The following ACOX1 variants were observed in gnomAD, a reference collection of about 807,000 sequenced individuals.
The protein encoded by ACOX1 is acyl-CoA oxidase 1, also known as peroxisomal acyl-coenzyme A oxidase 1.
ACOX1 carries 41 observed loss-of-function variants against 75.5 expected under a neutral mutation model. The observed-to-expected ratio is 0.54, with a 90% confidence interval of 0.42 to 0.70. ACOX1 has a LOEUF of 0.70. Ranked by LOEUF, ACOX1 falls within the 30% of genes least tolerant of loss-of-function variation. ACOX1 has a pLI of 0.00. For synonymous variants in ACOX1, 303 were observed against 298.8 expected, an observed-to-expected ratio of 1.01 and a Z score of -0.15; for missense variants, 630 against 837.5, an observed-to-expected ratio of 0.75 and a Z score of 3.06.
chr17:75,961,572 C>T (rs977111300), intron 2 of ACOX1, among the ~76,000 whole-genome samples: 15 of 150,754 alleles, frequency 9.9e-5, no homozygotes, highest in South Asian at 6.3e-4. Context: ...GAGTTCAAGA[C>T]CAGCCTGACC....
At chr17:75,973,309 G>A (rs1003193642) in intron 2 of ACOX1, 16 of 385,620 alleles carry the variant, frequency 4.1e-5, no homozygotes, top group African/African-American at 2.7e-4. Flanking sequence ...ACCCTCTGAA[G>A]AATTTCCAAC....
intron 4 of ACOX1, among the ~76,000 whole-genome samples, chr17:75,956,720 T>C (rs908902822): frequency 1.3e-5 from 2 of 150,992 alleles, no homozygotes; most frequent in Non-Finnish European, 3.0e-5. Flanking sequence ...TAAAACTATT[T>C]AAATTTTTTT....
At position 75,955,610 on chromosome 17, in the gene ACOX1, T is replaced by C. The variant is rs1242225615; in HGVS notation, c.730A>G (p.Asn244Asp). The C allele has an allele frequency of 6.2e-7, 1 of 1,614,092 alleles. No individual in the cohort carries two copies. The highest frequency in any genetic ancestry group is 1.3e-5 in the African/African-American group (1 of 74,932). ...ATGTTTTCTCTGGGAATACGATGGT[T>C]GTCCATTTTGAGGTAGCCATTGTCT... ...EIDNGYLKMD[N>D]HRIPRENMLM... is the part of the protein sequence containing the mutation. The change falls in exon 6 of 14, where the codon AAC (asparagine) becomes GAC (aspartate). Residue 244 changes from asparagine (N) to aspartate (D), a missense_variant. Physicochemically the swap from Asn to Asp is conservative, Grantham distance 23 (BLOSUM62 1). Coordinates refer to ENST00000293217, the MANE Select transcript of ACOX1 (RefSeq NM_004035.7).
intron 3 of ACOX1, among the ~76,000 whole-genome samples, chr17:75,959,196 C>A (rs1410251258): frequency 2.6e-5 from 4 of 152,144 alleles, no homozygotes; most frequent in Admixed American, 6.6e-5. Flanking sequence ...TAGAAGCTTC[C>A]AAGTTGAATA....
In ACOX1 at chr17:75,945,556, AC is replaced by A. The variant is rs2065712427; in HGVS notation, c.*1191del. On this transcript the variant is annotated 3_prime_UTR_variant, in exon 14 of 14. Transcript: ENST00000293217. ...GGCATATGGCGTAGATTAAAAAAAA[AC>A]AAAACAAAGTGACTTACATTGACTT... 6.5e-6 allele frequency: 1 copy of A among 153,542 alleles called. No individual in the cohort carries two copies. Among genetic ancestry groups the A allele is most frequent in the African/African-American group, 2.4e-5 (1 of 41,456 alleles). 9.5% of individuals were successfully genotyped at this position (153,542 alleles called of 1,614,324 possible).
chr17:75,956,062 T>G, intron 4 of ACOX1, 115 bp from the exon 5 acceptor site: 4 of 1,437,998 alleles, frequency 2.8e-6, no homozygotes, highest in Non-Finnish European at 3.9e-6. Flanking sequence ...CAATAGTATG[T>G]GTCCAGAAAG....
rs1306841327 is a variant in ACOX1, at chr17:75,973,146, G to A, written c.269+5388C>T. ...TAAAAAGACTGAAGTCAGATGAAGAGAATCATGGACTTTTTTCCAAACTGC... is the reference window on the plus strand; with the variant it reads ...TAAAAAGACTGAAGTCAGATGAAGAAAATCATGGACTTTTTTCCAAACTGC... On this transcript the variant is annotated intron_variant, in intron 2 of 13. Transcript: ENST00000293217. Among the ~76,000 whole-genome samples the A allele has an allele frequency of 2.6e-5, 4 of 152,198 alleles. 1 individual carries two copies. The highest frequency in any genetic ancestry group is 9.7e-5 in the African/African-American group (4 of 41,440).
chr17:75,970,396 G>C (rs1315287977), intron 2 of ACOX1, among the ~76,000 whole-genome samples: 1 of 152,120 alleles, frequency 6.6e-6, no homozygotes, highest in African/African-American at 2.4e-5. Flanking sequence ...TTTGATCCCA[G>C]AACTCCAGGG....
At chr17:75,965,113 G>A (rs976915502) in intron 2 of ACOX1, among the ~76,000 whole-genome samples, 3 of 152,030 alleles carry the variant, frequency 2.0e-5, no homozygotes, top group African/African-American at 4.8e-5. Flanking sequence ...CGAGGAGGGC[G>A]CATCACGAGG....
At chr17:75,977,496 G>A (rs1398980203) in intron 2 of ACOX1, among the ~76,000 whole-genome samples, 3 of 152,164 alleles carry the variant, frequency 2.0e-5, no homozygotes, top group Admixed American at 6.5e-5. Context: ...AATCCGGGAG[G>A]TGGAGGCTGG....
intron 4 of ACOX1, among the ~76,000 whole-genome samples, chr17:75,956,918 T>TCTCC (rs1724056962): frequency 2.5e-5 from 1 of 40,650 alleles, no homozygotes; most frequent in African/African-American, 1.1e-4. Flanking sequence ...TTCCTCTCTC[T>TCTCC]CTCTCTCTCT....
Position 75,960,918 on chromosome 17 carries a change from C to T in ACOX1, c.270-543G>A, listed in dbSNP as rs577060579. ...GCTTGAACCTAGGAGGCGGAGGTTG[C>T]AGTGAGCCGAGATCATGCCCACTGC... is the stretch of plus-strand genomic sequence containing the variant. On this transcript the variant is annotated intron_variant, in intron 2 of 13. Transcript: ENST00000293217. The surrounding 1 kb of genome is among the most constrained non-coding windows in gnomAD (Gnocchi z 4.4). 7.0e-4 allele frequency among the ~76,000 whole-genome samples: 106 copies of T among 152,192 alleles called. No individual in the cohort carries two copies. The highest frequency in any genetic ancestry group is 1.0e-3 in the Non-Finnish European group (70 of 68,034).
intron 2 of ACOX1, among the ~76,000 whole-genome samples, chr17:75,974,240 G>C (rs747998297): frequency 9.2e-5 from 14 of 151,884 alleles, no homozygotes; most frequent in Admixed American, 4.6e-4. Flanking sequence ...GTTAACAAGA[G>C]CTCCAAGGAA....
intron 2 of ACOX1, among the ~76,000 whole-genome samples, chr17:75,975,435 A>C (rs1177176182): frequency 6.6e-6 from 1 of 152,222 alleles, no homozygotes; most frequent in Non-Finnish European, 1.5e-5. Flanking sequence ...CTGGGATTAC[A>C]GGCGTGAGCC....
chr17:75,957,413 T>C (rs1422610080), intron 4 of ACOX1, 46 bp downstream of exon 4: 8 of 1,521,108 alleles, frequency 5.3e-6, no homozygotes, highest in Non-Finnish European at 7.3e-6. Context: ...CAAAATCTCA[T>C]GACAAACCTT....
chr17:75,953,528 A>G lies in ACOX1; in HGVS notation c.867T>C (p.Ala289=), dbSNP rs370001667. 1.0e-3 allele frequency: 1,613 copies of G among 1,614,210 alleles called. 23 individuals carry two copies. The South Asian group carries it at 0.016, about 16-fold the overall frequency. Reference sequence around the variant, plus strand: ...TGCACGCCTTAGACAGAGCCCGAGCAGCTTCTCCCACAAGGAAGGACCTGA... The same window carrying G: ...TGCACGCCTTAGACAGAGCCCGAGCGGCTTCTCCCACAAGGAAGGACCTGA... ...VFVRSFLVGE[A]ARALSKACTI... Residue 289 remains alanine (A), a synonymous_variant, in exon 7 of 14, where the codon GCT becomes GCC. Transcript: ENST00000293217.
At chr17:75,975,461 C>T (rs1030100903) in intron 2 of ACOX1, among the ~76,000 whole-genome samples, 1 of 152,222 alleles carries the variant, frequency 6.6e-6, no homozygotes, top group Non-Finnish European at 1.5e-5. Context: ...GCCCCAGTCC[C>T]ATTGTCTTTT....
chr17:75,972,779 C>T (rs548819270), intron 2 of ACOX1, among the ~76,000 whole-genome samples: 4 of 152,036 alleles, frequency 2.6e-5, no homozygotes, highest in Non-Finnish European at 5.9e-5. Flanking sequence ...AAACCATGAC[C>T]AGAAAGCTGC....
chr17:75,961,395 G>A (rs2065886522), intron 2 of ACOX1, among the ~76,000 whole-genome samples: 2 of 148,642 alleles, frequency 1.3e-5, no homozygotes, highest in South Asian at 2.1e-4. Context: ...TGACGCAGGC[G>A]GATCACTTGA....
Sources: allele counts gnomAD v4.1 joint callset (sites outside exome capture counted in the v4.1 genomes callset), GRCh38; gene constraint gnomAD v4.1.1; non-coding constraint Gnocchi (gnomAD v3.1); transcripts MANE v1.5; gene names NCBI Gene and HGNC (gene_info 2026-07-23, HGNC 2026-07-21).